Variants in MAP3K5 observed in about 807,000 individuals in gnomAD.
The protein encoded by MAP3K5 is mitogen-activated protein kinase kinase kinase 5.
In MAP3K5, 56 loss-of-function variants were observed where a neutral mutation model predicts 158.7. The ratio of observed to expected loss-of-function variants is 0.35; its 90% CI spans 0.28 to 0.44. The LOEUF (loss-of-function observed/expected upper bound fraction) is 0.44, where lower values mean the gene tolerates loss of function less well. Ranked by LOEUF, MAP3K5 falls within the 20% of genes least tolerant of loss-of-function variation. The pLI is 1.00. For missense variants in MAP3K5, 1,294 were observed against 1,674.8 expected (o/e 0.77, Z 3.97); for synonymous variants, 579 against 601.7 (o/e 0.96, Z 0.55).
intron 1 of MAP3K5, among the ~76,000 whole-genome samples, chr6:136,772,169 G>A (rs1420973221): frequency 1.3e-5 from 2 of 149,692 alleles, no homozygotes; most frequent in Non-Finnish European, 3.0e-5. Context: ...TGCGCCCCTC[G>A]GCCTCCCAAA....
chr6:136,740,407 T>C (rs1427334875), intron 1 of MAP3K5, among the ~76,000 whole-genome samples: 1 of 152,214 alleles, frequency 6.6e-6, no homozygotes, highest in Non-Finnish European at 1.5e-5. Flanking sequence ...GATTTCTTAC[T>C]GAAAATATTC....
At chr6:136,712,939 T>A (rs1216182644) in intron 2 of MAP3K5, among the ~76,000 whole-genome samples, 1 of 152,206 alleles carries the variant, frequency 6.6e-6, no homozygotes, top group African/African-American at 2.4e-5. Context: ...CACATAGAAC[T>A]GTGAGTCCAT....
chr6:136,574,979 G>A (rs1048188337), intron 25 of MAP3K5, among the ~76,000 whole-genome samples: 17 of 151,468 alleles, frequency 1.1e-4, no homozygotes, highest in African/African-American at 2.7e-4. Flanking sequence ...GTGAGCCACC[G>A]CGCCCGGCCT....
chr6:136,634,330 T>C (rs1777510644), intron 14 of MAP3K5, among the ~76,000 whole-genome samples: 1 of 152,126 alleles, frequency 6.6e-6, no homozygotes, highest in Non-Finnish European at 1.5e-5. Context: ...CATCCTCCAG[T>C]CCAGAGCATC....
intron 21 of MAP3K5, chr6:136,592,919 A>C: frequency 2.3e-6 from 1 of 426,708 alleles, no homozygotes; most frequent in Non-Finnish European, 4.5e-6. Context: ...ATTTTTACTG[A>C]CTACTAATTA....
At chr6:136,642,086 A>AAAAT (rs1778001984) in intron 12 of MAP3K5, among the ~76,000 whole-genome samples, 1 of 146,510 alleles carries the variant, frequency 6.8e-6, no homozygotes, top group Admixed American at 7.0e-5. Flanking sequence ...AAAATAAAAT[A>AAAAT]AAATAAAATT....
chr6:136,669,249 T>A, intron 8 of MAP3K5, 34 bp downstream of exon 8: 2 of 1,420,164 alleles, frequency 1.4e-6, no homozygotes, highest in Non-Finnish European at 2.0e-6. Flanking sequence ...GTCCAGTTTC[T>A]TGATTTCCAT....
chr6:136,704,648 C>T (rs1161578967), intron 3 of MAP3K5, among the ~76,000 whole-genome samples: 11 of 152,120 alleles, frequency 7.2e-5, no homozygotes, highest in South Asian at 2.1e-4. Flanking sequence ...CGGGTTCAAG[C>T]GATTCTCCTG....
chr6:136,601,000 G>C, intron 21 of MAP3K5, 22 bp downstream of exon 21: 1 of 1,613,450 alleles, frequency 6.2e-7, no homozygotes, highest in Non-Finnish European at 8.5e-7. Context: ...CAGCTCAATG[G>C]GCAAAGTAAA....
intron 1 of MAP3K5, among the ~76,000 whole-genome samples, chr6:136,730,876 T>C (rs1054177271): frequency 2.0e-5 from 3 of 152,118 alleles, no homozygotes; most frequent in East Asian, 1.9e-4. Context: ...AACACAGATA[T>C]GTGCTCATGT....
intron 19 of MAP3K5, among the ~76,000 whole-genome samples, chr6:136,604,433 A>T (rs952950762): frequency 1.1e-4 from 17 of 151,792 alleles, no homozygotes; most frequent in Middle Eastern, 6.8e-3. Context: ...TAAATAAATA[A>T]TTTTTTTTTA....
chr6:136,580,398 T>G lies in MAP3K5; in HGVS notation c.3420A>C (p.Lys1140Asn). The G allele has an allele frequency of 1.2e-6, 2 of 1,608,212 alleles. No homozygotes were observed. Among genetic ancestry groups the G allele is most frequent in the Non-Finnish European group, 1.7e-6 (2 of 1,174,686 alleles). ...VLFGFQDAVN[K>N]VLRNHNIKPH... is the part of the protein sequence containing the mutation. ...GCTTGATGTTATGATTCCGAAGAAC[T>G]TTATTGACCTGGAGAGAGAGTGACA... The change falls in exon 25 of 30, where the codon AAA becomes AAC. Residue 1140 changes from lysine (K) to asparagine (N), a missense_variant. By Grantham distance (94) the Lys-to-Asn change is moderately conservative (BLOSUM62 0). This residue lies in a region of MAP3K5 where 362 missense variants were observed against 463.2 expected (regional missense o/e 0.78). Coordinates refer to ENST00000359015, the MANE Select transcript of MAP3K5 (RefSeq NM_005923.4).
chr6:136,708,467 G>C (rs1288808665), intron 2 of MAP3K5, among the ~76,000 whole-genome samples: 1 of 151,942 alleles, frequency 6.6e-6, no homozygotes, highest in Non-Finnish European at 1.5e-5. Context: ...TGTTTCCCAG[G>C]CTGGTTTCTA....
At chr6:136,773,253 A>C (rs891626371) in intron 1 of MAP3K5, among the ~76,000 whole-genome samples, 5 of 152,122 alleles carry the variant, frequency 3.3e-5, no homozygotes, top group Non-Finnish European at 5.9e-5. Flanking sequence ...CACGTGCCTT[A>C]CCTTGGGAGT....
At chr6:136,557,852 C>A in intron 29 of MAP3K5, 34 bp from the exon 30 acceptor site, 1 of 1,434,846 alleles carries the variant, frequency 7.0e-7, no homozygotes, top group Middle Eastern at 1.7e-4. Context: ...GTGAAACGAA[C>A]ATTTCATTTG....
In MAP3K5 at chr6:136,729,566, T is replaced by C. The variant is rs1782117843; in HGVS notation, c.449-8977A>G. Among the ~76,000 whole-genome samples the C allele has an allele frequency of 2.6e-5, 4 of 152,222 alleles. No individual in the cohort carries two copies. The South Asian group carries it at 6.2e-4, about 24-fold the overall frequency. Reference sequence around the variant, plus strand: ...TGCTATTATACAACTCAACACCTCCTGATAAAGCTTTGAGTAATTTCTCAT... The same window carrying C: ...TGCTATTATACAACTCAACACCTCCCGATAAAGCTTTGAGTAATTTCTCAT... On this transcript the variant is annotated intron_variant, in intron 1 of 29. Transcript: ENST00000359015.
intron 7 of MAP3K5, among the ~76,000 whole-genome samples, chr6:136,688,346 C>T (rs1780243432): frequency 6.6e-6 from 1 of 151,938 alleles, no homozygotes; most frequent in African/African-American, 2.4e-5. Context: ...TGCAGCAAAC[C>T]ACCATGGCAT....
intron 1 of MAP3K5, among the ~76,000 whole-genome samples, chr6:136,724,360 T>C (rs1008553766): frequency 1.3e-5 from 2 of 151,384 alleles, no homozygotes; most frequent in African/African-American, 2.4e-5. Flanking sequence ...GTGTTTCTCC[T>C]ACCTCAGCCT....
At chr6:136,682,332 G>A (rs1779972010) in intron 7 of MAP3K5, among the ~76,000 whole-genome samples, 1 of 152,104 alleles carries the variant, frequency 6.6e-6, no homozygotes, top group Non-Finnish European at 1.5e-5. Flanking sequence ...AAGGAGGGTG[G>A]TAAAAATGAA....
Sources: allele counts gnomAD v4.1 joint callset (sites outside exome capture counted in the v4.1 genomes callset), GRCh38; gene constraint gnomAD v4.1.1; regional missense constraint gnomAD v4.1.1; transcripts MANE v1.5; gene names NCBI Gene and HGNC (gene_info 2026-07-23, HGNC 2026-07-21).